The following CAP2 variants were observed in gnomAD, a reference collection of about 807,000 sequenced individuals.
The protein encoded by CAP2 is cyclase associated actin cytoskeleton regulatory protein 2.
In CAP2, 24 loss-of-function variants were observed where a neutral mutation model predicts 57.7. The ratio of observed to expected loss-of-function variants is 0.42; its 90% CI spans 0.30 to 0.58. CAP2 has a LOEUF of 0.58. Among genes scored for constraint, CAP2 ranks in the 20% least tolerant of loss-of-function variants. CAP2 has a pLI of 0.22. For synonymous variants in CAP2, 194 were observed against 207.2 expected (o/e 0.94, Z 0.55); for missense variants, 501 against 590.3 (o/e 0.85, Z 1.57).
At chr6:17,422,159 G>A (rs994270941) in intron 2 of CAP2, among the ~76,000 whole-genome samples, 9 of 152,146 alleles carry the variant, frequency 5.9e-5, no homozygotes, top group African/African-American at 2.2e-4. Context: ...AGAAACTAAT[G>A]TTCTTGATTA....
At chr6:17,524,271 C>T (rs1355091650) in intron 7 of CAP2, among the ~76,000 whole-genome samples, 2 of 152,110 alleles carry the variant, frequency 1.3e-5, no homozygotes, top group Non-Finnish European at 2.9e-5. Flanking sequence ...AGTCAAATAT[C>T]TCCAATTTCA....
chr6:17,549,152 A>G (rs1763116182), intron 11 of CAP2, among the ~76,000 whole-genome samples: 1 of 152,104 alleles, frequency 6.6e-6, no homozygotes, highest in Non-Finnish European at 1.5e-5. Context: ...TCTAGAATTT[A>G]TAAAGAACTT....
chr6:17,485,143 C>A (rs1221008496), intron 4 of CAP2, among the ~76,000 whole-genome samples: 1 of 151,618 alleles, frequency 6.6e-6, no homozygotes, highest in Non-Finnish European at 1.5e-5. Flanking sequence ...GATTCCCAGT[C>A]CTGGGTTTTT....
chr6:17,508,300 C>T (rs555353966), intron 6 of CAP2, among the ~76,000 whole-genome samples: 2 of 152,124 alleles, frequency 1.3e-5, no homozygotes, highest in African/African-American at 2.4e-5. Context: ...GGTGAACCAG[C>T]GTGAAAGGAC....
chr6:17,529,651 A>AAAAAAAATATATATATAT (rs10656588), intron 7 of CAP2, among the ~76,000 whole-genome samples: 3 of 134,530 alleles, frequency 2.2e-5, no homozygotes, highest in African/African-American at 8.8e-5. Flanking sequence ...AAAAAAAAAA[A>AAAAAAAATATATATATAT]ATATATATAT....
intron 7 of CAP2, chr6:17,536,305 G>A (rs2113694365): frequency 2.2e-6 from 1 of 456,702 alleles, no homozygotes; most frequent in East Asian, 6.9e-5. Context: ...CCAGTGAAGG[G>A]AACATCTAAT....
chr6:17,546,105 G>C (rs1581612619), intron 11 of CAP2, among the ~76,000 whole-genome samples: 1 of 152,314 alleles, frequency 6.6e-6, no homozygotes, highest in Non-Finnish European at 1.5e-5. Flanking sequence ...ATAGATCCTT[G>C]AGGAATCACC....
chr6:17,443,872 CAT>C, intron 3 of CAP2, among the ~76,000 whole-genome samples: 1 of 152,326 alleles, frequency 6.6e-6, no homozygotes, highest in South Asian at 2.1e-4. Flanking sequence ...CATACACACA[CAT>C]ATGTTATAAC....
chr6:17,423,717 A>G (rs1461128124), intron 2 of CAP2, among the ~76,000 whole-genome samples: 1 of 152,228 alleles, frequency 6.6e-6, no homozygotes, highest in African/African-American at 2.4e-5. Context: ...TTTCTAGGAA[A>G]ATTAATAGGC....
At chr6:17,462,560 T>TCCCAGCAGC in intron 3 of CAP2, among the ~76,000 whole-genome samples, 1 of 151,130 alleles carries the variant, frequency 6.6e-6, no homozygotes, top group East Asian at 1.9e-4. Flanking sequence ...CATTCCTCCC[T>TCCCAGCAGC]CCCAGCAGCC....
intron 8 of CAP2, among the ~76,000 whole-genome samples, chr6:17,540,104 A>T (rs923034302): frequency 6.6e-6 from 1 of 152,152 alleles, no homozygotes; most frequent in Non-Finnish European, 1.5e-5. Flanking sequence ...AGTGGCAAAC[A>T]TTAGCTCCTC....
At chr6:17,448,811 G>C (rs1206656372) in intron 3 of CAP2, among the ~76,000 whole-genome samples, 1 of 151,718 alleles carries the variant, frequency 6.6e-6, no homozygotes, top group Non-Finnish European at 1.5e-5. Context: ...GCCCAGGCTG[G>C]ACTGCAGGGG....
chr6:17,542,032 C>T (rs961777684), intron 9 of CAP2, among the ~76,000 whole-genome samples: 3 of 152,202 alleles, frequency 2.0e-5, no homozygotes, highest in Non-Finnish European at 1.5e-5. Context: ...CCACCCACTA[C>T]AGAACTCTTT....
At chr6:17,544,800 C>A (rs970909774) in intron 11 of CAP2, among the ~76,000 whole-genome samples, 1 of 152,196 alleles carries the variant, frequency 6.6e-6, no homozygotes, top group Non-Finnish European at 1.5e-5. Context: ...AGTGGTCCAC[C>A]TGCCTCGGCC....
At chr6:17,412,406 T>C (rs769410897) in intron 1 of CAP2, among the ~76,000 whole-genome samples, 2 of 152,132 alleles carry the variant, frequency 1.3e-5, no homozygotes, top group African/African-American at 4.8e-5. Context: ...ATATTGGAAA[T>C]AGGAAAACTG....
chr6:17,444,199 A>G (rs1760179156), intron 3 of CAP2, among the ~76,000 whole-genome samples: 1 of 152,126 alleles, frequency 6.6e-6, no homozygotes, highest in Non-Finnish European at 1.5e-5. Context: ...TGCCCATAAT[A>G]GCTAGTAAGT....
chr6:17,444,804 C>CCACACACACACACACACACA (rs142931025), intron 3 of CAP2, among the ~76,000 whole-genome samples: 4 of 140,406 alleles, frequency 2.8e-5, no homozygotes, highest in East Asian at 2.2e-4. Flanking sequence ...TTCTCTCTCT[C>CCACACACACACACACACACA]CACACACACA....
intron 11 of CAP2, among the ~76,000 whole-genome samples, chr6:17,549,162 TAAATC>T (rs1043998239): frequency 7.2e-5 from 11 of 152,092 alleles, no homozygotes; most frequent in Admixed American, 2.6e-4. Context: ...ATAAAGAACT[TAAATC>T]AATAAGAAAA....
intron 8 of CAP2, among the ~76,000 whole-genome samples, 191 bp downstream of exon 8, chr6:17,539,649 G>C (rs538590832): frequency 6.6e-6 from 1 of 152,112 alleles, no homozygotes; most frequent in African/African-American, 2.4e-5. Flanking sequence ...GGGCTCAGGG[G>C]GTCACTGTGT....
Sources: allele counts gnomAD v4.1 joint callset (sites outside exome capture counted in the v4.1 genomes callset), GRCh38; gene constraint gnomAD v4.1.1; transcripts MANE v1.5; gene names NCBI Gene and HGNC (gene_info 2026-07-23, HGNC 2026-07-21).